Variants in GPR26 observed in about 807,000 individuals in gnomAD.
The protein encoded by GPR26 is G protein-coupled receptor 26.
GPR26 carries 15 observed loss-of-function variants against 23.1 expected under a neutral mutation model. That is an observed-to-expected ratio of 0.65 (90% CI 0.43 to 1.00). The LOEUF (loss-of-function observed/expected upper bound fraction) is 1.00, where lower values mean the gene tolerates loss of function less well. GPR26 is among the 50% of genes least tolerant of loss of function. The probability of loss-of-function intolerance (pLI) is 0.00; values close to 1 mark genes in which losing one functional copy is unlikely to be tolerated. For missense variants in GPR26, 359 were observed against 470.5 expected (o/e 0.76, Z 2.19); for synonymous variants, 228 against 222.1 (o/e 1.03, Z -0.24).
rs1845195975 is a variant in GPR26 at position 123,667,092 on chromosome 10, T to G, written c.668+17T>G. ...GCACCCCAGGTGAGCCGAGCGCAGC[T>G]AAGGCTCTGGGAACAGCCGCGCGGG... is the stretch of plus-strand genomic sequence containing the variant. On this transcript the variant is annotated intron_variant, in intron 1 of 2. Coordinates refer to ENST00000284674, the MANE Select transcript of GPR26 (RefSeq NM_153442.4). 1 of 1,553,730 alleles carries G rather than the reference T, an allele frequency of 6.4e-7. No homozygotes were observed. Among genetic ancestry groups the G allele is most frequent in the Admixed American group, 1.9e-5 (1 of 52,638 alleles).
At chr10:123,675,833 CGTGTGT>C (rs56201657) in intron 2 of GPR26, among the ~76,000 whole-genome samples, 3 of 134,176 alleles carry the variant, frequency 2.2e-5, no homozygotes, top group Non-Finnish European at 3.2e-5. Context: ...TGTGTGTGTA[CGTGTGT>C]GTGTGTGTGT....
chr10:123,680,838 G>GTTTTTTTTTT (rs59407569), intron 2 of GPR26, among the ~76,000 whole-genome samples: 1 of 95,294 alleles, frequency 1.0e-5, no homozygotes. Flanking sequence ...GGGGGGGGGG[G>GTTTTTTTTTT]TTGTTTTTTT....
In GPR26 at chr10:123,667,072, C is replaced by A; in HGVS notation, c.665C>A (p.Pro222His). The A allele has an allele frequency of 6.3e-7, 1 of 1,584,254 alleles. No homozygotes were observed. ...CTGGTGCTGCTGGTGGACCTGCACC[C>A]CAGGTGAGCCGAGCGCAGCTAAGGC... ...QTLVLLVDLH[P>H]SVRERCLEEQ... Residue 222 changes from proline to histidine, a missense_variant, in exon 1 of 3, where the codon CCC (proline) becomes CAC (histidine). Coordinates refer to ENST00000284674, the MANE Select transcript of GPR26 (RefSeq NM_153442.4).
chr10:123,684,489 C>T (rs865850627), intron 2 of GPR26, among the ~76,000 whole-genome samples: 6 of 152,278 alleles, frequency 3.9e-5, no homozygotes, highest in South Asian at 2.1e-4. Context: ...GCAAACCGAG[C>T]GGCTCTAACA....
At chr10:123,683,941 A>G (rs1845405043) in intron 2 of GPR26, among the ~76,000 whole-genome samples, 1 of 152,084 alleles carries the variant, frequency 6.6e-6, no homozygotes, top group Non-Finnish European at 1.5e-5. Context: ...CACACACCCC[A>G]GGCTTCCATA....
chr10:123,688,635 T>C lies in GPR26; in HGVS notation c.*475T>C. ...TTTGGCCCGGATCTAACATGGCACC[T>C]CGTCTCCACAGGGTAGTGGTGGCTG... On this transcript the variant is annotated 3_prime_UTR_variant, in exon 3 of 3. Coordinates refer to ENST00000284674, the MANE Select transcript of GPR26 (RefSeq NM_153442.4). 2.9e-5 allele frequency: 5 copies of C among 170,782 alleles called. No individual in the cohort carries two copies. The highest frequency in any genetic ancestry group is 1.6e-4 in the South Asian group (1 of 6,436). 10.6% of individuals were successfully genotyped at this position (170,782 alleles called of 1,614,324 possible). A position where few individuals can be genotyped will look rare whatever the true frequency, so the allele number is the denominator to read the frequency against.
At position 123,695,819 on chromosome 10, in the gene GPR26, C is replaced by T. The variant is rs187122195; in HGVS notation, c.*7659C>T. Among the ~76,000 whole-genome samples the T allele has an allele frequency of 2.3e-4, 35 of 152,338 alleles. 1 individual carries two copies. The highest frequency in any genetic ancestry group is 2.3e-3 in the Admixed American group (35 of 15,308). The stretch of plus-strand genomic sequence containing the variant: ...CCTTGCAAGCTGAAATTGTTCCAAA[C>T]CTCAACACTCCTGTTTTACAACAAA... On this transcript the variant is annotated 3_prime_UTR_variant, in exon 3 of 3. Coordinates refer to ENST00000284674, the MANE Select transcript of GPR26 (RefSeq NM_153442.4).
At chr10:123,677,627 G>A (rs958144213) in intron 2 of GPR26, among the ~76,000 whole-genome samples, 2 of 152,218 alleles carry the variant, frequency 1.3e-5, no homozygotes, top group Admixed American at 6.5e-5. Flanking sequence ...CTCTGCTGGG[G>A]ACATTGATCT....
At chr10:123,670,220 T>C (rs1188052592) in intron 1 of GPR26, among the ~76,000 whole-genome samples, 1 of 152,214 alleles carries the variant, frequency 6.6e-6, no homozygotes, top group Non-Finnish European at 1.5e-5. Context: ...AGATGTTGCC[T>C]GAGTGGCTGA....
intron 2 of GPR26, among the ~76,000 whole-genome samples, chr10:123,680,819 TG>T (rs370970137): frequency 0.51 from 50,343 of 98,070 alleles, 13,237 homozygotes; most frequent in East Asian, 0.7. Flanking sequence ...TGTTTTGTTT[TG>T]TTTTTTTGGG....
rs756776336 is a variant in GPR26 at position 123,666,655 on chromosome 10, C to T, written c.248C>T (p.Ala83Val). 6.3e-7 allele frequency: 1 copy of T among 1,597,816 alleles called. No individual in the cohort carries two copies. ...GGCGACCGCCTGTGCCGCCTGGCTG[C>T]CTTCCTCGACACCTTCCTGGCTGCC... The part of the protein sequence containing the change: ...PAGDRLCRLA[A>V]FLDTFLAANS... The change falls in exon 1 of 3, where the codon GCC becomes GTC. Residue 83 changes from alanine (A) to valine (V), a missense_variant. Coordinates refer to ENST00000284674, the MANE Select transcript of GPR26 (RefSeq NM_153442.4).
chr10:123,667,280 T>G (rs562709558), intron 1 of GPR26, among the ~76,000 whole-genome samples: 2 of 152,104 alleles, frequency 1.3e-5, no homozygotes, highest in South Asian at 4.1e-4. Flanking sequence ...GGTGAGCCCA[T>G]CTATACATCG....
At position 123,695,174 on chromosome 10, in the gene GPR26, A is replaced by C. The variant is rs562129826; in HGVS notation, c.*7014A>C. On this transcript the variant is annotated 3_prime_UTR_variant, in exon 3 of 3. Transcript: ENST00000284674. ...TAGCATTTAAAGGTCAAATTTGATG[A>C]GTCTAATCAATCTTAGCAGTGTTCC... 1.3e-5 allele frequency among the ~76,000 whole-genome samples: 2 copies of C among 152,330 alleles called. No individual in the cohort carries two copies. The highest frequency in any genetic ancestry group is 4.8e-5 in the African/African-American group (2 of 41,564).
intron 2 of GPR26, among the ~76,000 whole-genome samples, chr10:123,686,112 C>T (rs1287405870): frequency 6.6e-6 from 1 of 152,168 alleles, no homozygotes; most frequent in Non-Finnish European, 1.5e-5. Context: ...CTGCAAATAA[C>T]AATTTTGATC....
Position 123,693,804 on chromosome 10 carries a change from C to T in GPR26, c.*5644C>T, listed in dbSNP as rs944803748. On this transcript the variant is annotated 3_prime_UTR_variant, in exon 3 of 3. Coordinates refer to ENST00000284674, the MANE Select transcript of GPR26 (RefSeq NM_153442.4). ...GGTTGACTGTCTAGAAAGGAGGAAT[C>T]AGAGGTCCCAAGGAACACAATCGTG... 1 of 152,234 alleles carries T rather than the reference C, an allele frequency of 6.6e-6. No homozygotes were observed. Among genetic ancestry groups the T allele is most frequent in the African/African-American group, 2.4e-5 (1 of 41,432 alleles). The allele number at this position is 152,234 out of a possible 1,614,324, so 9.4% of individuals were successfully genotyped here.
At chr10:123,687,618 A>G (rs1160509098) in intron 2 of GPR26, among the ~76,000 whole-genome samples, 1 of 152,042 alleles carries the variant, frequency 6.6e-6, no homozygotes, top group East Asian at 1.9e-4. Context: ...GACCTTGGGC[A>G]AAGTATCTAA....
chr10:123,671,580 C>T (rs541512983), intron 1 of GPR26, among the ~76,000 whole-genome samples: 1 of 152,320 alleles, frequency 6.6e-6, no homozygotes, highest in East Asian at 1.9e-4. Flanking sequence ...CGTACCTGAC[C>T]GGGTTGCCTC....
Position 123,688,053 on chromosome 10 carries a change from A to T in GPR26, c.907A>T (p.Lys303Ter). 6.2e-7 allele frequency: 1 copy of T among 1,614,072 alleles called. No individual in the cohort carries two copies. Among genetic ancestry groups the T allele is most frequent in the Non-Finnish European group, 8.5e-7 (1 of 1,179,962 alleles). The change falls in exon 3 of 3, where the codon AAA becomes TAA. Residue 303 changes from lysine (K) to a stop codon, truncating the protein, a stop_gained. Transcript: ENST00000284674. LOFTEE classifies it high-confidence loss of function. ...VYSLLRHQYR[K>*]SCKEILNRLL... is the part of the protein sequence containing the mutation. ...CTCCTTACTGCGACACCAGTACCGC[A>T]AAAGCTGCAAGGAGATTCTGAACAG...
rs140095533 is a variant in GPR26 at position 123,681,293 on chromosome 10, A to G, written c.782+6362A>G. Among the ~76,000 whole-genome samples, 980 of 152,210 alleles carry G rather than the reference A, an allele frequency of 6.4e-3. 8 individuals carry two copies. The highest frequency in any genetic ancestry group is 0.02 in the Middle Eastern group (6 of 294). On this transcript the variant is annotated intron_variant, in intron 2 of 2. Transcript: ENST00000284674. ...CAATGACCGCTCTGCTTCTTCTCTC[A>G]GCAGAAGCAAAGGTTCCTACTTTCC... is the stretch of plus-strand genomic sequence containing the variant.
Sources: gnomAD v4.1 joint callset for allele counts (sites outside exome capture counted in the v4.1 genomes callset) on GRCh38, gnomAD v4.1.1 for gene constraint, MANE v1.5 for transcripts, NCBI Gene and HGNC (gene_info 2026-07-23, HGNC 2026-07-21) for gene names.